Variants in CYP7B1 observed in about 807,000 individuals in gnomAD.
CYP7B1 encodes the protein cytochrome P450 7B1.
Under a neutral mutation model 42.7 loss-of-function variants are expected in CYP7B1, and 29 were observed. That is an observed-to-expected ratio of 0.68 (90% CI 0.51 to 0.93). The LOEUF (loss-of-function observed/expected upper bound fraction) is 0.93, where lower values mean the gene tolerates loss of function less well. Among genes scored for constraint, CYP7B1 ranks in the 40% least tolerant of loss-of-function variants. CYP7B1 has a pLI of 0.00. For synonymous variants in CYP7B1, 235 were observed against 218.2 expected (o/e 1.08, Z -0.68); for missense variants, 655 against 600.5 (o/e 1.09, Z -0.95).
intron 1 of CYP7B1, among the ~76,000 whole-genome samples, chr8:64,686,120 C>T (rs1806636406): frequency 5.6e-5 from 6 of 106,618 alleles, no homozygotes; most frequent in South Asian, 3.2e-4. Flanking sequence ...CAGCCCTCCG[C>T]CCGGCCAGCC....
intron 1 of CYP7B1, among the ~76,000 whole-genome samples, chr8:64,797,434 T>G (rs1804721198): frequency 6.6e-6 from 1 of 152,192 alleles, no homozygotes; most frequent in South Asian, 2.1e-4. Flanking sequence ...GTCCTCATCT[T>G]GGGCTCTAAA....
intron 1 of CYP7B1, among the ~76,000 whole-genome samples, chr8:64,625,418 A>C (rs1805595671): frequency 6.6e-6 from 1 of 152,182 alleles, no homozygotes; most frequent in Non-Finnish European, 1.5e-5. Flanking sequence ...ATAGGTAGGT[A>C]CCTGTGACTA....
chr8:64,760,984 T>C (rs1807881223), intron 1 of CYP7B1, among the ~76,000 whole-genome samples: 1 of 152,064 alleles, frequency 6.6e-6, no homozygotes, highest in Non-Finnish European at 1.5e-5. Flanking sequence ...ATAAAGAAAT[T>C]ACAATAGAAT....
At chr8:64,750,152 T>C (rs1673893113) in intron 1 of CYP7B1, among the ~76,000 whole-genome samples, 1 of 152,212 alleles carries the variant, frequency 6.6e-6, no homozygotes, top group Non-Finnish European at 1.5e-5. Flanking sequence ...CTTTTTTATT[T>C]GCAGGTTAGG....
chr8:64,720,766 A>G (rs1807224003), intron 1 of CYP7B1, among the ~76,000 whole-genome samples: 1 of 152,134 alleles, frequency 6.6e-6, no homozygotes, highest in Admixed American at 6.5e-5. Context: ...AAATTATGTA[A>G]TTGTGAAACT....
intron 1 of CYP7B1, among the ~76,000 whole-genome samples, chr8:64,630,100 G>A (rs1805667648): frequency 6.6e-6 from 1 of 152,154 alleles, no homozygotes; most frequent in African/African-American, 2.4e-5. Flanking sequence ...AAGCCAAAGA[G>A]GACCAATAGG....
chr8:64,688,742 T>C (rs150602642), intron 1 of CYP7B1, among the ~76,000 whole-genome samples: 151 of 151,902 alleles, frequency 9.9e-4, no homozygotes, highest in African/African-American at 3.4e-3. Flanking sequence ...CTGGACAACA[T>C]AGGGAGACCC....
At chr8:64,648,189 G>A (rs373890320) in intron 1 of CYP7B1, among the ~76,000 whole-genome samples, 48 of 152,300 alleles carry the variant, frequency 3.2e-4, no homozygotes, top group African/African-American at 1.2e-3. Flanking sequence ...TAGTGATAGA[G>A]TTGATTATGA....
At chr8:64,590,076 C>A (rs912399078), downstream of CYP7B1, among the ~76,000 whole-genome samples, 3 of 152,226 alleles carry the variant, frequency 2.0e-5, no homozygotes, top group Non-Finnish European at 4.4e-5. Flanking sequence ...ATTGCTAATT[C>A]TGGAAGGTTC....
chr8:64,701,322 G>C (rs1047887871), intron 1 of CYP7B1, among the ~76,000 whole-genome samples: 1 of 152,020 alleles, frequency 6.6e-6, no homozygotes, highest in African/African-American at 2.4e-5. Context: ...GATCATGCCC[G>C]TAATGCATTG....
At chr8:64,766,338 T>C (rs1390174847) in intron 1 of CYP7B1, among the ~76,000 whole-genome samples, 3 of 152,176 alleles carry the variant, frequency 2.0e-5, no homozygotes, top group South Asian at 2.1e-4. Context: ...CCTGATTCTA[T>C]TGAAGGCCAA....
intron 4 of CYP7B1, among the ~76,000 whole-genome samples, chr8:64,613,181 T>C (rs1202150511): frequency 6.6e-6 from 1 of 152,174 alleles, no homozygotes; most frequent in East Asian, 1.9e-4. Context: ...CTTGGGATTT[T>C]TATTGTTTTT....
At chr8:64,627,959 A>G (rs1438991853) in intron 1 of CYP7B1, among the ~76,000 whole-genome samples, 1 of 152,174 alleles carries the variant, frequency 6.6e-6, no homozygotes, top group African/African-American at 2.4e-5. Context: ...AAATACTGCT[A>G]TTTGTCTCTC....
chr8:64,643,428 C>T (rs1423945484), intron 1 of CYP7B1, among the ~76,000 whole-genome samples: 1 of 152,064 alleles, frequency 6.6e-6, no homozygotes, highest in Non-Finnish European at 1.5e-5. Context: ...TACTTTATTG[C>T]TAAAGAATGC....
In CYP7B1 at chr8:64,713,898, A is replaced by AT. The variant is rs543723196; in HGVS notation, c.122+84567dup. ...TGACTGCATTTTAAATATATTAAGAATCAGTGACAGAATTTAATAATTGTA... is the reference window on the plus strand; with the variant it reads ...TGACTGCATTTTAAATATATTAAGAATTCAGTGACAGAATTTAATAATTGTA... On this transcript the variant is annotated intron_variant, in intron 1 of 5. Transcript: ENST00000310193. Among the ~76,000 whole-genome samples the AT allele has an allele frequency of 3.3e-4, 50 of 152,318 alleles. 1 individual carries two copies. The East Asian group carries it at 9.6e-3, about 29-fold the overall frequency.
At chr8:64,708,101 G>A in intron 1 of CYP7B1, among the ~76,000 whole-genome samples, 1 of 152,154 alleles carries the variant, frequency 6.6e-6, no homozygotes, top group East Asian at 1.9e-4. Context: ...CTGGTGTTAT[G>A]TAAGTTTGCT....
At chr8:64,764,179 C>T (rs1355492315) in intron 1 of CYP7B1, among the ~76,000 whole-genome samples, 3 of 151,992 alleles carry the variant, frequency 2.0e-5, no homozygotes, top group Admixed American at 1.3e-4. Flanking sequence ...GATTGCTCTC[C>T]CATTGTGTAA....
At position 64,614,667 on chromosome 8, in the gene CYP7B1, T is replaced by C. The variant is rs769234466; in HGVS notation, c.1057+359A>G. The stretch of plus-strand genomic sequence containing the variant: ...ACAGGGTGCCTTTTTTGCAATACTT[T>C]CCTTTTCAATCCCTAAATACTTCTT... On this transcript the variant is annotated intron_variant, in intron 4 of 5. Coordinates refer to ENST00000310193, the MANE Select transcript of CYP7B1 (RefSeq NM_004820.5). Among the ~76,000 whole-genome samples, 72 of 152,266 alleles carry C rather than the reference T, an allele frequency of 4.7e-4. No homozygotes were observed. In the Middle Eastern group the frequency reaches 0.01, roughly 22 times the overall value.
chr8:64,663,781 C>T (rs1019800934), intron 1 of CYP7B1, among the ~76,000 whole-genome samples: 3 of 152,190 alleles, frequency 2.0e-5, no homozygotes, highest in Non-Finnish European at 4.4e-5. Context: ...CATTCTTTCT[C>T]TAAGGACCAA....
Sources: gnomAD v4.1 joint callset for allele counts (sites outside exome capture counted in the v4.1 genomes callset) on GRCh38, gnomAD v4.1.1 for gene constraint, MANE v1.5 for transcripts, NCBI Gene and HGNC (gene_info 2026-07-23, HGNC 2026-07-21) for gene names.